EGF: variants seen among roughly 807,000 people sequenced by gnomAD.
EGF encodes the protein pro-epidermal growth factor.
A neutral mutation model predicts 143.8 loss-of-function variants in EGF; 95 were observed. The ratio of observed to expected loss-of-function variants is 0.66; its 90% CI spans 0.56 to 0.78. EGF has a LOEUF of 0.78. Ranked by LOEUF, EGF falls within the 30% of genes least tolerant of loss-of-function variation. The pLI is 0.00. For missense variants in EGF, 1,320 were observed against 1,470.9 expected (o/e 0.90, Z 1.68); for synonymous variants, 510 against 510.5 (o/e 1.00, Z 0.01).
intron 16 of EGF, among the ~76,000 whole-genome samples, chr4:109,984,574 A>T (rs1749861253): frequency 6.6e-6 from 1 of 152,142 alleles, no homozygotes. Flanking sequence ...GGTATACAAA[A>T]CATCAGGCAT....
At chr4:110,010,477 G>T (rs1271477563) in intron 23 of EGF, among the ~76,000 whole-genome samples, 1 of 152,056 alleles carries the variant, frequency 6.6e-6, no homozygotes. Flanking sequence ...TTAAGTCAAG[G>T]TCCTACTCTG....
intron 21 of EGF, among the ~76,000 whole-genome samples, chr4:110,001,004 T>C (rs184466159): frequency 1.3e-5 from 2 of 152,314 alleles, no homozygotes; most frequent in Admixed American, 1.3e-4. Flanking sequence ...TGTCTTGTGT[T>C]CTGGAAAATT....
intron 5 of EGF, among the ~76,000 whole-genome samples, chr4:109,947,928 G>A (rs1456184996): frequency 6.6e-6 from 1 of 152,110 alleles, no homozygotes; most frequent in African/African-American, 2.4e-5. Flanking sequence ...CCTTTTCCAT[G>A]ATCACATAGC....
intron 22 of EGF, among the ~76,000 whole-genome samples, chr4:110,007,093 T>A (rs1311127956): frequency 6.6e-6 from 1 of 152,138 alleles, no homozygotes; most frequent in Admixed American, 6.5e-5. Flanking sequence ...CTGCAGGAGA[T>A]CATCAATGAG....
In EGF at chr4:109,994,744, C is replaced by T. The variant is rs753084591; in HGVS notation, c.2869C>T (p.Pro957Ser). 1.2e-6 allele frequency: 2 copies of T among 1,613,922 alleles called. No individual in the cohort carries two copies. The highest frequency in any genetic ancestry group is 2.7e-5 in the African/African-American group (2 of 74,918). Residue 957 changes from proline (P) to serine (S), a missense_variant, in exon 20 of 24, where the codon CCC (proline) becomes TCC (serine). By Grantham distance (74) the Pro-to-Ser change is moderately conservative (BLOSUM62 -1). This residue lies in a region of EGF where 1,186 missense variants were observed against 1,313.7 expected (regional missense o/e 0.90). Coordinates refer to ENST00000265171, the MANE Select transcript of EGF (RefSeq NM_001963.6). ...TTGGGTTCTTTTAGACTCTACTCCA[C>T]CCCCTCACCTCAGGGAAGATGACCA... ...PGLICPDSTP[P>S]PHLREDDHHY...
intron 16 of EGF, among the ~76,000 whole-genome samples, chr4:109,985,734 T>G (rs1460474502): frequency 1.3e-5 from 2 of 152,190 alleles, no homozygotes; most frequent in African/African-American, 2.4e-5. Flanking sequence ...CTTCAATAAC[T>G]AATTATGCAA....
intron 21 of EGF, among the ~76,000 whole-genome samples, chr4:110,003,508 C>T (rs1300130231): frequency 1.3e-5 from 2 of 152,192 alleles, no homozygotes; most frequent in African/African-American, 4.8e-5. Flanking sequence ...AGATTCACAG[C>T]AGCCCCTCCT....
chr4:109,982,364 G>A (rs1170883450), intron 15 of EGF, among the ~76,000 whole-genome samples: 1 of 151,406 alleles, frequency 6.6e-6, no homozygotes, highest in African/African-American at 2.4e-5. Context: ...GTCTTGCTCT[G>A]TCACCCAGGC....
intron 1 of EGF, among the ~76,000 whole-genome samples, chr4:109,938,374 A>C (rs1411312061): frequency 1.3e-5 from 2 of 152,304 alleles, no homozygotes; most frequent in East Asian, 3.9e-4. Flanking sequence ...CAGGTCATTT[A>C]AGCTCTTCTC....
At chr4:109,988,818 C>T (rs569401378) in intron 18 of EGF, 109 bp downstream of exon 18, 1 of 1,521,504 alleles carries the variant, frequency 6.6e-7, no homozygotes, top group African/African-American at 1.4e-5. Flanking sequence ...GGGTGACACA[C>T]ATGTCAAGAT....
intron 5 of EGF, among the ~76,000 whole-genome samples, chr4:109,954,981 T>C (rs1271890575): frequency 6.6e-6 from 1 of 152,242 alleles, no homozygotes; most frequent in African/African-American, 2.4e-5. Context: ...ATGTGCTAAA[T>C]ATTGGGGATG....
intron 1 of EGF, among the ~76,000 whole-genome samples, chr4:109,933,762 T>C (rs1413815743): frequency 6.6e-6 from 1 of 152,226 alleles, no homozygotes; most frequent in Non-Finnish European, 1.5e-5. Context: ...TCATCCTTTT[T>C]TATGGCGGCA....
intron 16 of EGF, among the ~76,000 whole-genome samples, chr4:109,984,905 G>T (rs147739910): frequency 2.0e-5 from 3 of 152,310 alleles, no homozygotes; most frequent in African/African-American, 7.2e-5. Flanking sequence ...ACTGTGCTAA[G>T]TGCTGGGGAT....
At position 109,952,379 on chromosome 4, in the gene EGF, A is replaced by G. The variant is rs370634153; in HGVS notation, c.941-6933A>G. Among the ~76,000 whole-genome samples, 81 of 152,354 alleles carry G rather than the reference A, an allele frequency of 5.3e-4. No individual in the cohort carries two copies. In the East Asian group the frequency reaches 9.3e-3, roughly 17 times the overall value. On this transcript the variant is annotated intron_variant, in intron 5 of 23. Transcript: ENST00000265171. ...GTGTAAAATGCTTTACATTCATTTCATGCACAAAAAGATGGCTGAATTTAA... is the reference window on the plus strand; with the variant it reads ...GTGTAAAATGCTTTACATTCATTTCGTGCACAAAAAGATGGCTGAATTTAA...
chr4:109,994,472 G>A (rs1021395886), intron 19 of EGF, among the ~76,000 whole-genome samples: 2 of 152,172 alleles, frequency 1.3e-5, no homozygotes, highest in Non-Finnish European at 2.9e-5. Flanking sequence ...TTCACATGGC[G>A]ACTTAGGACT....
At chr4:109,914,176 C>T (rs927308463) in intron 1 of EGF, among the ~76,000 whole-genome samples, 1 of 152,130 alleles carries the variant, frequency 6.6e-6, no homozygotes, top group African/African-American at 2.4e-5. Context: ...AAGGATATTG[C>T]CTGAAAAACA....
At chr4:109,969,608 A>T (rs535371657) in intron 11 of EGF, among the ~76,000 whole-genome samples, 12 of 152,120 alleles carry the variant, frequency 7.9e-5, no homozygotes, top group East Asian at 5.8e-4. Flanking sequence ...ATAATAATAA[A>T]AAAAAAAGTA....
intron 5 of EGF, among the ~76,000 whole-genome samples, chr4:109,948,647 C>A (rs1352783904): frequency 6.6e-6 from 1 of 152,062 alleles, no homozygotes; most frequent in African/African-American, 2.4e-5. Context: ...TCACACCTGG[C>A]TAATTTTGTT....
At chr4:109,950,338 T>A (rs1164859573) in intron 5 of EGF, among the ~76,000 whole-genome samples, 1 of 152,062 alleles carries the variant, frequency 6.6e-6, no homozygotes, top group Non-Finnish European at 1.5e-5. Context: ...TCCTTCATCT[T>A]CCTCACTCTC....
Sources: allele counts gnomAD v4.1 joint callset (sites outside exome capture counted in the v4.1 genomes callset), GRCh38; gene constraint gnomAD v4.1.1; regional missense constraint gnomAD v4.1.1; transcripts MANE v1.5; gene names NCBI Gene and HGNC (gene_info 2026-07-23, HGNC 2026-07-21).